TACC2: variants seen among roughly 807,000 people sequenced by gnomAD.
TACC2 encodes transforming acidic coiled-coil containing protein 2.
In TACC2, 137 loss-of-function variants were observed where a neutral mutation model predicts 227.3. The observed-to-expected ratio is 0.60, with a 90% CI of 0.52 to 0.69. The LOEUF (loss-of-function observed/expected upper bound fraction) is 0.69. Ranked by LOEUF, TACC2 falls within the 30% of genes least tolerant of loss-of-function variation. The probability of loss-of-function intolerance (pLI) is 0.00; values close to 1 mark genes in which losing one functional copy is unlikely to be tolerated. For synonymous variants in TACC2, 1,523 were observed against 1,487.5 expected (o/e 1.02, Z -0.55); for missense variants, 3,470 against 3,694.4 (o/e 0.94, Z 1.57).
intron 2 of TACC2, among the ~76,000 whole-genome samples, chr10:122,038,722 A>C (rs918448413): frequency 6.6e-6 from 1 of 152,220 alleles, no homozygotes; most frequent in East Asian, 1.9e-4. Context: ...TGTCTGGTGA[A>C]GGGAAGGTCA....
chr10:122,059,211 C>T (rs1022601140), intron 3 of TACC2, among the ~76,000 whole-genome samples: 3 of 152,008 alleles, frequency 2.0e-5, no homozygotes, highest in Middle Eastern at 3.2e-3. Context: ...CCACCACACC[C>T]GGGCTCCATC....
intron 5 of TACC2, among the ~76,000 whole-genome samples, chr10:122,092,699 C>A (rs1484124416): frequency 1.3e-5 from 2 of 152,234 alleles, no homozygotes; most frequent in African/African-American, 4.8e-5. Context: ...TCCAGCCACA[C>A]CTCACACCCA....
chr10:122,176,134 TATATATATATATGAAGATGAAATTG>T (rs1415625776), intron 7 of TACC2, among the ~76,000 whole-genome samples: 1 of 145,758 alleles, frequency 6.9e-6, no homozygotes, highest in Non-Finnish European at 1.5e-5. Flanking sequence ...TATATATATA[TATATATATATATGAAGATGAAATTG>T]GAGTAGTCAA....
At chr10:122,196,281 C>T (rs999886143) in intron 8 of TACC2, among the ~76,000 whole-genome samples, 7 of 152,166 alleles carry the variant, frequency 4.6e-5, no homozygotes, top group Non-Finnish European at 7.3e-5. Flanking sequence ...TGTACACTCC[C>T]GGAGCTTTGT....
chr10:122,065,318 T>C (rs1332626203), intron 3 of TACC2, among the ~76,000 whole-genome samples: 2 of 152,238 alleles, frequency 1.3e-5, no homozygotes, highest in African/African-American at 4.8e-5. Context: ...CCCACAAATT[T>C]TGATATTTCT....
chr10:122,164,633 C>T (rs968646072), intron 7 of TACC2, among the ~76,000 whole-genome samples: 8 of 152,194 alleles, frequency 5.3e-5, no homozygotes, highest in African/African-American at 1.7e-4. Context: ...TGGCCTTTAT[C>T]CTGGCCGAGT....
intron 1 of TACC2, among the ~76,000 whole-genome samples, chr10:121,994,003 C>T (rs1024844383): frequency 6.6e-6 from 1 of 152,128 alleles, no homozygotes; most frequent in African/African-American, 2.4e-5. Context: ...ATATTTTTCA[C>T]TTGATGTATC....
At chr10:121,994,216 A>G (rs17102830) in intron 1 of TACC2, among the ~76,000 whole-genome samples, 7,673 of 152,288 alleles carry the variant, frequency 0.05, 430 homozygotes, top group African/African-American at 0.14. Context: ...ACTGCTTGAT[A>G]CTGTCAGCTG....
chr10:122,187,825 A>G (rs1245206906), intron 7 of TACC2, among the ~76,000 whole-genome samples: 1 of 152,126 alleles, frequency 6.6e-6, no homozygotes, highest in East Asian at 1.9e-4. Context: ...CTTGGAGGCC[A>G]AGGGCAGATC....
rs1454123398 is a variant in TACC2 at position 122,141,135 on chromosome 10, G to A, written c.5700-2437G>A. ...GGAAGTCAGTGCCAGGGCCTGGCGG[G>A]CTGATGGTGCCACTACCTTGCTGGG... On this transcript the variant is annotated intron_variant, in intron 6 of 22. Coordinates refer to ENST00000369005, the MANE Select transcript of TACC2 (RefSeq NM_206862.4). This position sits in a 1 kb window ranked among gnomAD's most constrained non-coding sequence, Gnocchi z 4.3. Among the ~76,000 whole-genome samples, 2 of 152,288 alleles carry A rather than the reference G, an allele frequency of 1.3e-5. No individual in the cohort carries two copies. Among genetic ancestry groups the A allele is most frequent in the Non-Finnish European group, 1.5e-5 (1 of 68,020 alleles).
At chr10:122,073,148 TATATAC>T (rs1397866924) in intron 3 of TACC2, among the ~76,000 whole-genome samples, 4,124 of 94,954 alleles carry the variant, frequency 0.043, 166 homozygotes, top group Non-Finnish European at 0.064. Flanking sequence ...TATATATATA[TATATAC>T]ACACACACAC....
rs2095291731 is a variant in TACC2, at chr10:122,211,507, A to G, written c.7082A>G (p.Lys2361Arg). Residue 2361 changes from lysine to arginine, a missense_variant, in exon 9 of 23, where the codon AAA becomes AGA. Transcript: ENST00000369005. The part of the protein sequence containing the change: ...SSTSKMQESP[K>R]LPQQSYNFDP... ...ACCTCAAAAATGCAGGAGTCTCCCA[A>G]ACTGCCCCAACAATCATACAACTTT... 3.1e-6 allele frequency: 5 copies of G among 1,613,718 alleles called. No individual in the cohort carries two copies. The highest frequency in any genetic ancestry group is 3.4e-6 in the Non-Finnish European group (4 of 1,179,890).
chr10:122,254,402 G>T lies in TACC2; in HGVS notation c.*346G>T, dbSNP rs1028662571. The T allele has an allele frequency of 1.2e-5, 4 of 322,054 alleles. No individual in the cohort carries two copies. The highest frequency in any genetic ancestry group is 2.4e-5 in the Non-Finnish European group (4 of 169,616). 19.9% of individuals were successfully genotyped at this position (322,054 alleles called of 1,614,324 possible). A position where few individuals can be genotyped will look rare whatever the true frequency, so the allele number is the denominator to read the frequency against. On this transcript the variant is annotated 3_prime_UTR_variant, in exon 23 of 23. Coordinates refer to ENST00000369005, the MANE Select transcript of TACC2 (RefSeq NM_206862.4). Reference sequence around the variant, plus strand: ...CAGCTTTTGGATTTAATATGAACATGTACAGCGTGCATAGGGACTCTTGCC... The same window carrying T: ...CAGCTTTTGGATTTAATATGAACATTTACAGCGTGCATAGGGACTCTTGCC...
At chr10:121,993,276 A>G (rs1953113633) in intron 1 of TACC2, among the ~76,000 whole-genome samples, 1 of 152,256 alleles carries the variant, frequency 6.6e-6, no homozygotes. Context: ...TGTGAAAAAA[A>G]GGAGTTGTAG....
At chr10:122,095,774 T>A (rs2081315464) in intron 5 of TACC2, among the ~76,000 whole-genome samples, 1 of 152,256 alleles carries the variant, frequency 6.6e-6, no homozygotes, top group African/African-American at 2.4e-5. Flanking sequence ...GTGGTGGGAA[T>A]GTCCTGTGTC....
intron 5 of TACC2, among the ~76,000 whole-genome samples, chr10:122,131,632 A>C (rs2088125235): frequency 6.6e-6 from 1 of 152,224 alleles, no homozygotes; most frequent in Non-Finnish European, 1.5e-5. Context: ...TCTGGACCAC[A>C]TAGTCCTTTG....
chr10:122,215,591 C>T (rs2095387137), intron 10 of TACC2, 140 bp downstream of exon 10: 12 of 731,274 alleles, frequency 1.6e-5, no homozygotes, highest in Admixed American at 1.0e-4. Context: ...GAGGGTCCCT[C>T]GATGTTTGCT....
chr10:122,134,875 T>C lies in TACC2; in HGVS notation c.5699+2141T>C, dbSNP rs1592433313. 2.0e-5 allele frequency among the ~76,000 whole-genome samples: 3 copies of C among 152,224 alleles called. No homozygotes were observed. The South Asian group carries it at 6.2e-4, about 32-fold the overall frequency. On this transcript the variant is annotated intron_variant, in intron 6 of 22. Transcript: ENST00000369005. ...GTCCAGCGGAGGGTGTAATGGGTGCTTCTGAAGGCCCCTCCCATGCCTGAG... is the reference window on the plus strand; with the variant it reads ...GTCCAGCGGAGGGTGTAATGGGTGCCTCTGAAGGCCCCTCCCATGCCTGAG...
chr10:122,083,356 TCAGA>T lies in TACC2; in HGVS notation c.861_864del (p.Asp287GlufsTer13). On this transcript the variant is annotated frameshift_variant, in exon 4 of 23. Coordinates refer to ENST00000369005, the MANE Select transcript of TACC2 (RefSeq NM_206862.4). LOFTEE classifies it high-confidence loss of function. ...CCCACAAGATCCAGCCCCAAGAGCC[TCAGA>T]CAGAGAAAGAGGCCAAGGGGAGGCG... The T allele has an allele frequency of 6.2e-7, 1 of 1,613,798 alleles. No individual in the cohort carries two copies. Among genetic ancestry groups the T allele is most frequent in the African/African-American group, 1.3e-5 (1 of 74,980 alleles).
Sources: allele counts gnomAD v4.1 joint callset (sites outside exome capture counted in the v4.1 genomes callset), GRCh38; gene constraint gnomAD v4.1.1; non-coding constraint Gnocchi (gnomAD v3.1); transcripts MANE v1.5; gene names NCBI Gene and HGNC (gene_info 2026-07-23, HGNC 2026-07-21).